The following KCNIP1 variants were observed in gnomAD, a reference collection of about 807,000 sequenced individuals.
KCNIP1 encodes the protein A-type potassium channel modulatory protein KCNIP1.
A neutral mutation model predicts 33.0 loss-of-function variants in KCNIP1; 18 were observed. The ratio of observed to expected loss-of-function variants is 0.55; its 90% CI spans 0.38 to 0.81. The LOEUF (loss-of-function observed/expected upper bound fraction) is 0.81. KCNIP1 is among the 30% of genes least tolerant of loss of function. KCNIP1 has a pLI of 0.00. For missense variants in KCNIP1, 238 were observed against 271.6 expected, an observed-to-expected ratio of 0.88 and a Z score of 0.87; for synonymous variants, 93 against 98.3, an observed-to-expected ratio of 0.95 and a Z score of 0.32.
In KCNIP1 at chr5:170,720,399, G is replaced by T; in HGVS notation, c.256+9G>T. On this transcript the variant is annotated intron_variant, in intron 3 of 7. Coordinates refer to ENST00000328939, the MANE Select transcript of KCNIP1 (RefSeq NM_014592.4). ...GTTTTTCCCTCATGGAGGTGAGTCT[G>T]ACCTTGAAATCTATCTTGCCCAGCT... The T allele has an allele frequency of 6.2e-7, 1 of 1,608,638 alleles. No individual in the cohort carries two copies. The highest frequency in any genetic ancestry group is 2.2e-5 in the East Asian group (1 of 44,826).
At position 170,634,607 on chromosome 5, in the gene KCNIP1, G is replaced by A. The variant is rs192835061; in HGVS notation, c.62-84151G>A. 1.8e-3 allele frequency among the ~76,000 whole-genome samples: 274 copies of A among 152,246 alleles called. 1 individual carries two copies. The highest frequency in any genetic ancestry group is 3.0e-3 in the Non-Finnish European group (202 of 68,002). On this transcript the variant is annotated intron_variant, in intron 1 of 7. Coordinates refer to ENST00000328939, the MANE Select transcript of KCNIP1 (RefSeq NM_014592.4). ...AACGACATGAGCTCTCCCAGGGAGT[G>A]TGTGTGTGTAAAGAGGGAAGAAAAG...
At chr5:170,667,207 G>C (rs1439581171) in intron 1 of KCNIP1, among the ~76,000 whole-genome samples, 2 of 151,832 alleles carry the variant, frequency 1.3e-5, no homozygotes, top group African/African-American at 4.8e-5. Flanking sequence ...AGCTACCCGG[G>C]AGGCTGAGGC....
At chr5:170,656,637 A>C (rs998487665) in intron 1 of KCNIP1, among the ~76,000 whole-genome samples, 3 of 152,216 alleles carry the variant, frequency 2.0e-5, no homozygotes, top group Non-Finnish European at 4.4e-5. Flanking sequence ...GAGGCCACCC[A>C]TGAAGATCAG....
chr5:170,491,327 A>C (rs952577249), intron 1 of KCNIP1, among the ~76,000 whole-genome samples: 6 of 152,224 alleles, frequency 3.9e-5, no homozygotes, highest in African/African-American at 1.4e-4. Flanking sequence ...ATTCTAGCAG[A>C]AGTGAAAACA....
At chr5:170,397,652 T>C (rs1754795959) in intron 1 of KCNIP1, among the ~76,000 whole-genome samples, 1 of 152,230 alleles carries the variant, frequency 6.6e-6, no homozygotes, top group South Asian at 2.1e-4. Context: ...TCATTAAATA[T>C]TCTTTGCATA....
At chr5:170,598,887 C>T (rs966704084) in intron 1 of KCNIP1, among the ~76,000 whole-genome samples, 2 of 117,978 alleles carry the variant, frequency 1.7e-5, no homozygotes, top group African/African-American at 3.1e-5. Flanking sequence ...CCCATAGCCC[C>T]GCTGTGTGTG....
chr5:170,682,398 G>A (rs1561761999), intron 1 of KCNIP1, among the ~76,000 whole-genome samples: 1 of 152,314 alleles, frequency 6.6e-6, no homozygotes, highest in East Asian at 1.9e-4. Flanking sequence ...GCTTCAACCA[G>A]AACAGCTCCA....
chr5:170,483,307 A>G (rs1757017079), intron 1 of KCNIP1: 1 of 273,228 alleles, frequency 3.7e-6, no homozygotes, highest in African/African-American at 2.3e-5. Context: ...CCAGGAGGAG[A>G]TGCAACTCCT....
chr5:170,409,336 G>T (rs1285419102), intron 1 of KCNIP1, among the ~76,000 whole-genome samples: 1 of 152,172 alleles, frequency 6.6e-6, no homozygotes, highest in Admixed American at 6.5e-5. Context: ...TCAGGGTCTT[G>T]AGGCCTCAAA....
intron 1 of KCNIP1, among the ~76,000 whole-genome samples, chr5:170,480,476 A>ATT (rs11428676): frequency 0.011 from 1,496 of 137,904 alleles, 23 homozygotes; most frequent in Non-Finnish European, 0.015. Flanking sequence ...GAGACTAGGG[A>ATT]TTTTTTTTTT....
At chr5:170,589,187 G>A (rs1758112693) in intron 1 of KCNIP1, among the ~76,000 whole-genome samples, 1 of 151,912 alleles carries the variant, frequency 6.6e-6, no homozygotes, top group African/African-American at 2.4e-5. Context: ...TTTTAGTAGA[G>A]ACGGGGTTTC....
At chr5:170,511,887 G>A (rs1361969373) in intron 1 of KCNIP1, among the ~76,000 whole-genome samples, 1 of 152,186 alleles carries the variant, frequency 6.6e-6, no homozygotes. Context: ...GACCTGAGTA[G>A]AAAAACAGTC....
chr5:170,567,606 G>C (rs1176056876), intron 1 of KCNIP1, among the ~76,000 whole-genome samples: 1 of 152,218 alleles, frequency 6.6e-6, no homozygotes, highest in Non-Finnish European at 1.5e-5. Context: ...AATGGGGAAG[G>C]ACAGTTGAGG....
chr5:170,523,042 G>A (rs963447448), intron 1 of KCNIP1, among the ~76,000 whole-genome samples: 6 of 152,206 alleles, frequency 3.9e-5, no homozygotes, highest in Non-Finnish European at 5.9e-5. Context: ...CTACTGCTCC[G>A]AGTTGATAGA....
chr5:170,408,108 A>G (rs1581163503), intron 1 of KCNIP1, among the ~76,000 whole-genome samples: 2 of 152,282 alleles, frequency 1.3e-5, no homozygotes, highest in Admixed American at 1.3e-4. Flanking sequence ...ATGAGATAAA[A>G]CTCAAATGCT....
chr5:170,698,638 AC>A (rs1254163799), intron 1 of KCNIP1, among the ~76,000 whole-genome samples: 5 of 150,320 alleles, frequency 3.3e-5, no homozygotes, highest in African/African-American at 1.2e-4. Flanking sequence ...CAATTGTACC[AC>A]CCCACCCCAC....
chr5:170,687,534 G>T (rs1403281791), intron 1 of KCNIP1, among the ~76,000 whole-genome samples: 1 of 152,172 alleles, frequency 6.6e-6, no homozygotes, highest in Non-Finnish European at 1.5e-5. Context: ...TAGCATACAG[G>T]CTTTAGACTG....
intron 1 of KCNIP1, among the ~76,000 whole-genome samples, chr5:170,388,211 C>T (rs1363656303): frequency 2.0e-5 from 3 of 152,300 alleles, no homozygotes; most frequent in Middle Eastern, 3.4e-3. Flanking sequence ...AGGTCTGACC[C>T]GTCTCTAATG....
At chr5:170,621,402 A>G (rs1759596103) in intron 1 of KCNIP1, among the ~76,000 whole-genome samples, 1 of 152,176 alleles carries the variant, frequency 6.6e-6, no homozygotes, top group African/African-American at 2.4e-5. Flanking sequence ...AAGAGAGGGC[A>G]TTCTCACTTG....
Sources: gnomAD v4.1 joint callset for allele counts (sites outside exome capture counted in the v4.1 genomes callset) on GRCh38, gnomAD v4.1.1 for gene constraint, MANE v1.5 for transcripts, NCBI Gene and HGNC (gene_info 2026-07-23, HGNC 2026-07-21) for gene names.